The following ARHGEF9 variants were observed in gnomAD, a reference collection of about 807,000 sequenced individuals.
The protein encoded by ARHGEF9 is rho guanine nucleotide exchange factor 9.
Under a neutral mutation model 41.3 loss-of-function variants are expected in ARHGEF9, and 2 were observed. That is an observed-to-expected ratio of 0.05 (90% CI 0.02 to 0.15). The LOEUF (loss-of-function observed/expected upper bound fraction) is 0.15. Ranked by LOEUF, ARHGEF9 falls within the 10% of genes least tolerant of loss-of-function variation. The pLI, the probability that ARHGEF9 is intolerant of heterozygous loss-of-function variation, is 1.00. For synonymous variants in ARHGEF9, 160 were observed against 154.4 expected (o/e 1.04, Z -0.27); for missense variants, 225 against 424.7 (o/e 0.53, Z 4.13).
chrX:63,722,842 T>C (rs1321149555), intron 2 of ARHGEF9: 2 of 111,668 alleles, frequency 1.8e-5, no homozygotes, highest in Non-Finnish European at 3.8e-5. Flanking sequence ...TCCCTGGGAC[T>C]GATTCTTTAA....
intron 8 of ARHGEF9, among the ~76,000 whole-genome samples, chrX:63,652,793 TG>T (rs2048631389): frequency 9.0e-6 from 1 of 111,029 alleles, no homozygotes; most frequent in African/African-American, 3.3e-5. Flanking sequence ...CCCCATGTGT[TG>T]GGGGAGGGGC....
intron 4 of ARHGEF9, among the ~76,000 whole-genome samples, chrX:63,679,319 T>C (rs782050459): frequency 1.6e-4 from 18 of 111,538 alleles, no homozygotes; most frequent in African/African-American, 5.9e-4. Context: ...AACCTTTCCA[T>C]AAGTTTGAAA....
At chrX:63,759,736 A>G (rs1228490100) in intron 1 of ARHGEF9, among the ~76,000 whole-genome samples, 1 of 112,137 alleles carries the variant, frequency 8.9e-6, no homozygotes, top group African/African-American at 3.2e-5. Context: ...GTACATACAT[A>G]AACTCTTTTA....
intron 1 of ARHGEF9, among the ~76,000 whole-genome samples, chrX:63,765,666 G>C (rs782620792): frequency 7.2e-5 from 8 of 111,574 alleles, no homozygotes; most frequent in Non-Finnish European, 1.3e-4. Flanking sequence ...AGAGTGGAAA[G>C]AACAAAGGAT....
intron 1 of ARHGEF9, among the ~76,000 whole-genome samples, chrX:63,781,183 T>C (rs2056373875): frequency 8.9e-6 from 1 of 111,958 alleles, no homozygotes; most frequent in Non-Finnish European, 1.9e-5. Flanking sequence ...TCCTCGGTAA[T>C]TGAAAATAAA....
At chrX:63,652,483 G>T (rs2048609665) in intron 8 of ARHGEF9, among the ~76,000 whole-genome samples, 1 of 111,530 alleles carries the variant, frequency 9.0e-6, no homozygotes, top group African/African-American at 3.3e-5. Context: ...TAGGTTATAT[G>T]TAAATACTAT....
At chrX:63,690,925 A>T (rs1261554743) in intron 4 of ARHGEF9, among the ~76,000 whole-genome samples, 2 of 111,963 alleles carry the variant, frequency 1.8e-5, no homozygotes, top group East Asian at 5.6e-4. Context: ...CATTTCATAA[A>T]ATTCAAGATC....
chrX:63,685,264 TA>T (rs1556374195), intron 4 of ARHGEF9, among the ~76,000 whole-genome samples: 2 of 111,362 alleles, frequency 1.8e-5, no homozygotes, highest in African/African-American at 6.5e-5. Flanking sequence ...AATCAAATTT[TA>T]AAAGGTCAAA....
In ARHGEF9 at chrX:63,678,449, G is replaced by T; in HGVS notation, c.706C>A (p.Gln236Lys). 8.3e-7 allele frequency: 1 copy of T among 1,205,058 alleles called. No individual in the cohort carries two copies. Among genetic ancestry groups the T allele is most frequent in the Non-Finnish European group, 1.1e-6 (1 of 891,892 alleles). The change falls in exon 5 of 10, where the codon CAG (glutamine) becomes AAG (lysine). Residue 236 changes from glutamine to lysine, a missense_variant. By Grantham distance (53) the Gln-to-Lys change is moderately conservative. Transcript: ENST00000671741. The stretch of plus-strand genomic sequence containing the variant: ...CCATCGATAGCAATGTCAATCATCT[G>T]CTGCAAGAGGCGACAGGCCTCAAAG... ...HFFEACRLLQQMIDIAIDGFL... is the reference protein window; with the variant it reads ...HFFEACRLLQKMIDIAIDGFL...
At chrX:63,653,334 T>C (rs2048676066) in intron 8 of ARHGEF9, among the ~76,000 whole-genome samples, 1 of 111,615 alleles carries the variant, frequency 9.0e-6, no homozygotes, top group Non-Finnish European at 1.9e-5. Context: ...CCTATGTCCA[T>C]GGGTTTGAGC....
intron 1 of ARHGEF9, among the ~76,000 whole-genome samples, chrX:63,777,308 A>G (rs1556459178): frequency 9.0e-6 from 1 of 111,539 alleles, no homozygotes; most frequent in Non-Finnish European, 1.9e-5. Context: ...CACTATCACA[A>G]GAATAGCATG....
In ARHGEF9 at chrX:63,752,073, CA is replaced by C. The variant is rs376772080; in HGVS notation, c.31-27363del. ...CCAGTTTCCTTCCCAAATAACTAGG[CA>C]AAAAAAACCCCTTCGCTTAAACTTG... On this transcript the variant is annotated intron_variant, in intron 1 of 9. Transcript: ENST00000671741. Among the ~76,000 whole-genome samples, 248 of 110,816 alleles carry C rather than the reference CA, an allele frequency of 2.2e-3. 2 individuals carry two copies. Among genetic ancestry groups the C allele is most frequent in the Non-Finnish European group, 5.7e-4 (30 of 52,791 alleles).
At chrX:63,651,575 C>T (rs782579844) in intron 8 of ARHGEF9, among the ~76,000 whole-genome samples, 11 of 110,530 alleles carry the variant, frequency 1.0e-4, no homozygotes, top group Non-Finnish European at 2.1e-4. Context: ...ATGTAAATTC[C>T]GGATGGATTA....
rs782384013 is a variant in ARHGEF9 at position 63,767,082 on chromosome X, C to T, written c.30+18034G>A. 60 of 1,002,724 alleles carry T rather than the reference C, an allele frequency of 6.0e-5. No homozygotes were observed. The South Asian group carries it at 1.1e-3, about 19-fold the overall frequency. 82.6% of individuals were successfully genotyped at this position (1,002,724 alleles called of 1,213,427 possible). ...AGGAACAGTGATCCACTTTAACAAC[C>T]CTAAAGTTTAGGCATCTCTAGCAGT... On this transcript the variant is annotated intron_variant, in intron 1 of 9. Coordinates refer to ENST00000671741, the MANE Select transcript of ARHGEF9 (RefSeq NM_001353921.2).
chrX:63,647,304 G>C (rs1275240602), intron 8 of ARHGEF9, among the ~76,000 whole-genome samples: 1 of 111,849 alleles, frequency 8.9e-6, no homozygotes, highest in Non-Finnish European at 1.9e-5. Flanking sequence ...TCCCTGTCTT[G>C]TGCCAGTTTT....
At chrX:63,638,897 A>G (rs1368166798) in intron 9 of ARHGEF9, among the ~76,000 whole-genome samples, 1 of 111,975 alleles carries the variant, frequency 8.9e-6, no homozygotes, top group Admixed American at 9.5e-5. Flanking sequence ...GTCTTTTCAA[A>G]CGGAATAGCT....
At chrX:63,710,499 G>A (rs112706722) in intron 2 of ARHGEF9, among the ~76,000 whole-genome samples, 1,590 of 110,561 alleles carry the variant, frequency 0.014, 33 homozygotes, top group African/African-American at 0.05. Context: ...TGCGATTCCA[G>A]GAATGGAAGG....
chrX:63,778,790 C>T (rs1265893509), intron 1 of ARHGEF9, among the ~76,000 whole-genome samples: 1 of 112,041 alleles, frequency 8.9e-6, no homozygotes, highest in Non-Finnish European at 1.9e-5. Context: ...TGTTGCCAGC[C>T]TCTTTGCTAA....
intron 4 of ARHGEF9, among the ~76,000 whole-genome samples, chrX:63,681,617 G>A (rs1289208819): frequency 2.7e-5 from 3 of 110,597 alleles, no homozygotes; most frequent in African/African-American, 6.6e-5. Flanking sequence ...TAAGAGGGGC[G>A]TTGATAGCAT....
Sources: gnomAD v4.1 joint callset for allele counts (sites outside exome capture counted in the v4.1 genomes callset) on GRCh38, gnomAD v4.1.1 for gene constraint, MANE v1.5 for transcripts, NCBI Gene and HGNC (gene_info 2026-07-23, HGNC 2026-07-21) for gene names.